Variants in ACCSL observed in about 807,000 individuals in gnomAD.
ACCSL encodes probable inactive 1-aminocyclopropane-1-carboxylate synthase-like protein 2.
ACCSL carries 55 observed loss-of-function variants against 61.7 expected under a neutral mutation model. The ratio of observed to expected loss-of-function variants is 0.89; its 90% confidence interval spans 0.72 to 1.12. The LOEUF (loss-of-function observed/expected upper bound fraction) is 1.12. ACCSL is among the 50% of genes most tolerant of loss of function. The pLI is 0.00. For synonymous variants in ACCSL, 258 were observed against 264.3 expected, an observed-to-expected ratio of 0.98 and a Z score of 0.23; for missense variants, 632 against 698.0, an observed-to-expected ratio of 0.91 and a Z score of 1.07.
the ACCSL span, among the ~76,000 whole-genome samples, chr11:43,946,575 C>T: frequency 6.6e-6 from 1 of 152,096 alleles, no homozygotes; most frequent in Non-Finnish European, 1.5e-5. Context: ...TTGTATTCTA[C>T]ATGCTATTTT....
chr11:43,983,971 C>G, the ACCSL span, among the ~76,000 whole-genome samples: 1 of 152,000 alleles, frequency 6.6e-6, no homozygotes, highest in South Asian at 2.1e-4. Context: ...CAAAAATTAG[C>G]CAGGCATGGT....
chr11:44,004,226 T>A, the ACCSL span, among the ~76,000 whole-genome samples: 63 of 151,970 alleles, frequency 4.1e-4, 1 homozygote, highest in African/African-American at 1.5e-3. Context: ...TAGAACCACG[T>A]GCACAGAGGC....
the ACCSL span, among the ~76,000 whole-genome samples, chr11:43,998,548 C>A: frequency 1.3e-4 from 20 of 152,250 alleles, 2 homozygotes; most frequent in African/African-American, 4.8e-4. Flanking sequence ...TCAGCAGGCT[C>A]CAGGGCCAGG....
In ACCSL at chr11:44,055,289, A is replaced by G; in HGVS notation, c.1137A>G (p.Lys379=). ...CATTCCACAGCATTCTGAGCATGAA[A>G]AGGTGAGCTGGTCTCAGCTGGAGTT... ...SITFHSILSM[K]SLPDSNRTHV... is the part of the protein sequence containing the mutation. The change falls in exon 9 of 14, where the codon AAA becomes AAG. Residue 379 remains lysine (K), a splice_region_variant and synonymous_variant. Coordinates refer to ENST00000378832, the MANE Select transcript of ACCSL (RefSeq NM_001031854.2). 6.2e-7 allele frequency: 1 copy of G among 1,612,330 alleles called. No homozygotes were observed. The highest frequency in any genetic ancestry group is 1.7e-4 in the Middle Eastern group (1 of 6,058).
the ACCSL span, among the ~76,000 whole-genome samples, chr11:43,955,145 A>G: frequency 6.6e-6 from 1 of 152,182 alleles, no homozygotes; most frequent in Non-Finnish European, 1.5e-5. Context: ...GAGTCAGGTG[A>G]CTACAGTGAA....
chr11:43,986,198 G>A, the ACCSL span, among the ~76,000 whole-genome samples: 1 of 151,912 alleles, frequency 6.6e-6, no homozygotes, highest in African/African-American at 2.4e-5. Flanking sequence ...TAAAGGGTAC[G>A]CTTCTTTCAC....
chr11:43,942,818 G>A, the ACCSL span: 5 of 1,007,852 alleles, frequency 5.0e-6, no homozygotes, highest in Admixed American at 1.6e-4. Context: ...GCCCCCGGCT[G>A]CTGCCTCCCG....
At chr11:43,974,530 G>A in the ACCSL span, among the ~76,000 whole-genome samples, 4 of 152,176 alleles carry the variant, frequency 2.6e-5, no homozygotes, top group African/African-American at 9.7e-5. Context: ...CACAGTCACA[G>A]GTTGCAGGTG....
At chr11:43,999,285 C>G in the ACCSL span, among the ~76,000 whole-genome samples, 11 of 152,180 alleles carry the variant, frequency 7.2e-5, no homozygotes, top group Middle Eastern at 3.4e-3. Context: ...AACAAATTAC[C>G]ACAAATTTCC....
the ACCSL span, chr11:43,945,689 A>G: frequency 3.9e-5 from 6 of 151,994 alleles, no homozygotes; most frequent in Non-Finnish European, 5.9e-5. Context: ...ACAAAAAAAA[A>G]AAAAAAAAAT....
chr11:44,017,687 C>T, the ACCSL span, among the ~76,000 whole-genome samples: 1 of 152,120 alleles, frequency 6.6e-6, no homozygotes, highest in African/African-American at 2.4e-5. Flanking sequence ...CTCTATGCCT[C>T]GGTTTACTCC....
chr11:43,934,945 G>A, the ACCSL span, among the ~76,000 whole-genome samples: 3 of 152,160 alleles, frequency 2.0e-5, no homozygotes, highest in Non-Finnish European at 2.9e-5. Context: ...TGTGGGTAGG[G>A]ACGATGGGGG....
At chr11:43,967,638 C>G in the ACCSL span, among the ~76,000 whole-genome samples, 2 of 152,062 alleles carry the variant, frequency 1.3e-5, no homozygotes, top group East Asian at 3.9e-4. Flanking sequence ...GTTTTTGATC[C>G]ATTCCATGAT....
the ACCSL span, among the ~76,000 whole-genome samples, chr11:44,029,134 C>A: frequency 6.6e-6 from 1 of 152,218 alleles, no homozygotes; most frequent in Non-Finnish European, 1.5e-5. Flanking sequence ...TCAGAGGGAT[C>A]CTTCTATGTG....
At chr11:43,958,463 C>T in the ACCSL span, among the ~76,000 whole-genome samples, 73 of 152,326 alleles carry the variant, frequency 4.8e-4, 1 homozygote, top group African/African-American at 1.7e-3. Flanking sequence ...TCCTGAAAGA[C>T]TCTGATCCCC....
At chr11:43,923,827 G>A in the ACCSL span, among the ~76,000 whole-genome samples, 3 of 152,216 alleles carry the variant, frequency 2.0e-5, no homozygotes, top group Non-Finnish European at 2.9e-5. Context: ...CTGTAGCTTC[G>A]TAGCCAGCAC....
At chr11:43,960,884 T>C in the ACCSL span, among the ~76,000 whole-genome samples, 2 of 152,148 alleles carry the variant, frequency 1.3e-5, no homozygotes, top group African/African-American at 2.4e-5. Context: ...AGAGGCACGA[T>C]CTTGGCTCAC....
chr11:44,021,193 A>T, the ACCSL span, among the ~76,000 whole-genome samples: 6 of 152,186 alleles, frequency 3.9e-5, no homozygotes, highest in African/African-American at 1.2e-4. Context: ...AGGAATCTCC[A>T]TACTGTTTCC....
chr11:43,963,536 TTGGGTCTCTGAA>T, the ACCSL span, among the ~76,000 whole-genome samples: 1 of 152,218 alleles, frequency 6.6e-6, no homozygotes, highest in East Asian at 1.9e-4. Flanking sequence ...ATGTTAAAAC[TTGGGTCTCTGAA>T]CTACTGAATG....
Sources: allele counts gnomAD v4.1 joint callset (sites outside exome capture counted in the v4.1 genomes callset), GRCh38; gene constraint gnomAD v4.1.1; transcripts MANE v1.5; gene names NCBI Gene and HGNC (gene_info 2026-07-23, HGNC 2026-07-21).